The following WDR27 variants were observed in gnomAD, a reference collection of about 807,000 sequenced individuals.
WDR27 encodes the protein WD repeat-containing protein 27.
A neutral mutation model predicts 114.4 loss-of-function variants in WDR27; 100 were observed. That is an observed-to-expected ratio of 0.87 (90% confidence interval 0.74 to 1.03). WDR27 has a LOEUF of 1.03. Among genes scored for constraint, WDR27 ranks in the 50% least tolerant of loss-of-function variants. The pLI, the probability that WDR27 is intolerant of heterozygous loss-of-function variation, is 0.00. For synonymous variants in WDR27, 449 were observed against 423.1 expected, an observed-to-expected ratio of 1.06 and a Z score of -0.75; for missense variants, 1,129 against 1,092.9, an observed-to-expected ratio of 1.03 and a Z score of -0.47.
chr6:169,450,853 C>G, the WDR27 span, among the ~76,000 whole-genome samples: 1 of 151,822 alleles, frequency 6.6e-6, no homozygotes, highest in African/African-American at 2.4e-5. Context: ...TGGAACACCA[C>G]CATCTATCCA....
At chr6:169,482,815 T>C (rs1788373146) in intron 25 of WDR27, among the ~76,000 whole-genome samples, 1 of 152,100 alleles carries the variant, frequency 6.6e-6, no homozygotes, top group East Asian at 1.9e-4. Flanking sequence ...ATGCAAAATA[T>C]TGAAATCATA....
At chr6:169,693,693 T>C (rs568944509) in intron 1 of WDR27, among the ~76,000 whole-genome samples, 3 of 150,538 alleles carry the variant, frequency 2.0e-5, no homozygotes, top group African/African-American at 4.9e-5. Context: ...TATTCTTACA[T>C]AGGACAAAAC....
At chr6:169,633,382 AC>A (rs1330682241) in intron 20 of WDR27, among the ~76,000 whole-genome samples, 11 of 152,124 alleles carry the variant, frequency 7.2e-5, no homozygotes, top group Admixed American at 5.9e-4. Context: ...TCCATGAAAC[AC>A]CCAAATCAGA....
intron 25 of WDR27, among the ~76,000 whole-genome samples, chr6:169,540,431 C>CTTTTTTTTTTTTTT (rs66671017): frequency 1.4e-5 from 2 of 144,804 alleles, no homozygotes; most frequent in Non-Finnish European, 3.1e-5. Flanking sequence ...TGAATAGAAT[C>CTTTTTTTTTTTTTT]TTTTTTTTTT....
chr6:169,669,308 AGT>A (rs1040111664), intron 4 of WDR27, among the ~76,000 whole-genome samples: 3 of 152,194 alleles, frequency 2.0e-5, no homozygotes, highest in Non-Finnish European at 4.4e-5. Flanking sequence ...CCCCGAGTGA[AGT>A]GTCTTTCAGT....
intron 25 of WDR27, among the ~76,000 whole-genome samples, chr6:169,475,789 G>A (rs571328842): frequency 1.3e-5 from 2 of 152,052 alleles, no homozygotes; most frequent in South Asian, 4.2e-4. Flanking sequence ...TTGAGCCACT[G>A]CTCCATTTTT....
the WDR27 span, among the ~76,000 whole-genome samples, chr6:169,438,236 C>CTTTT: frequency 8.5e-5 from 9 of 105,422 alleles, no homozygotes; most frequent in African/African-American, 1.4e-4. Flanking sequence ...TTTACTTTTT[C>CTTTT]TTTTTTTTTT....
rs1300286041 is a variant in WDR27 at position 169,660,699 on chromosome 6, C to T, written c.1093G>A (p.Ala365Thr). 2 of 1,613,836 alleles carry T rather than the reference C, an allele frequency of 1.2e-6. No homozygotes were observed. Among genetic ancestry groups the T allele is most frequent in the Non-Finnish European group, 1.7e-6 (2 of 1,179,868 alleles). ...AAAGCAGCTTCCACTTCCAGGTTTG[C>T]CAGGTTAAATACGAATAAGCCCACT... ...SSVGLFVFNL[A>T]NLEVEAALYY... The change falls in exon 10 of 26, where the codon GCA (alanine) becomes ACA (threonine). Residue 365 changes from alanine to threonine, a missense_variant. Coordinates refer to ENST00000448612, the MANE Select transcript of WDR27 (RefSeq NM_182552.5).
At chr6:169,584,075 G>A (rs1046304617) in intron 23 of WDR27, among the ~76,000 whole-genome samples, 4 of 92,814 alleles carry the variant, frequency 4.3e-5, no homozygotes, top group Non-Finnish European at 9.3e-5. Context: ...CCCCGCCTAT[G>A]TCTACCCTGT....
intron 23 of WDR27, among the ~76,000 whole-genome samples, chr6:169,598,973 C>T (rs1807380271): frequency 1.3e-5 from 2 of 152,042 alleles, no homozygotes; most frequent in African/African-American, 4.8e-5. Context: ...AATATAAAAA[C>T]TGTTCTTGAA....
the WDR27 span, among the ~76,000 whole-genome samples, chr6:169,446,762 G>C: frequency 2.0e-5 from 3 of 152,128 alleles, no homozygotes; most frequent in African/African-American, 7.2e-5. Context: ...AGAATTTCCT[G>C]ACTCAGAATT....
the WDR27 span, among the ~76,000 whole-genome samples, chr6:169,441,855 T>C: frequency 4.6e-5 from 7 of 152,244 alleles, no homozygotes; most frequent in African/African-American, 1.7e-4. Context: ...TAAAACACTT[T>C]ATTTAGAGAT....
At chr6:169,585,129 C>T (rs971609953) in intron 23 of WDR27, among the ~76,000 whole-genome samples, 2 of 152,046 alleles carry the variant, frequency 1.3e-5, no homozygotes, top group South Asian at 4.2e-4. Context: ...GAAATTGGAC[C>T]TTTATTTTAC....
At position 169,613,483 on chromosome 6, in the gene WDR27, T is replaced by G. The variant is rs117142360; in HGVS notation, c.2321+76A>C. ...CAGATTAACCACAACCTCATCACAT[T>G]CGGAAAAGAGATCAGATTGAGCTTA... On this transcript the variant is annotated intron_variant, in intron 22 of 25. Transcript: ENST00000448612. 1.5e-3 allele frequency: 1,818 copies of G among 1,213,314 alleles called. 6 individuals carry two copies. The highest frequency in any genetic ancestry group is 1.9e-3 in the Non-Finnish European group (1,620 of 833,266). 75.2% of individuals were successfully genotyped at this position (1,213,314 alleles called of 1,614,324 possible). A position where few individuals can be genotyped will look rare whatever the true frequency, so the allele number is the denominator to read the frequency against.
At chr6:169,485,842 G>C (rs901854878) in intron 25 of WDR27, among the ~76,000 whole-genome samples, 1 of 152,212 alleles carries the variant, frequency 6.6e-6, no homozygotes, top group African/African-American at 2.4e-5. Context: ...AAAAGAATGA[G>C]ATCATGTCCT....
intron 1 of WDR27, among the ~76,000 whole-genome samples, chr6:169,692,873 T>C (rs1562949920): frequency 6.6e-6 from 1 of 152,086 alleles, no homozygotes; most frequent in East Asian, 1.9e-4. Flanking sequence ...ACAAAAGACA[T>C]AAACTCTTGG....
rs184233582 is a variant in WDR27, at chr6:169,515,575, A to G, written c.2645+56844T>C. On this transcript the variant is annotated intron_variant, in intron 25 of 25. Transcript: ENST00000448612. ...TGAGTACTTATTTTAAAAACTTAAG[A>G]GTGGTATATGAATAAAAGTGTTCAG... Among the ~76,000 whole-genome samples the G allele has an allele frequency of 4.6e-3, 700 of 152,268 alleles. 3 individuals carry two copies. Among genetic ancestry groups the G allele is most frequent in the Non-Finnish European group, 8.0e-3 (544 of 67,998 alleles).
intron 2 of WDR27, among the ~76,000 whole-genome samples, chr6:169,674,123 G>A (rs918108429): frequency 2.0e-5 from 3 of 152,096 alleles, no homozygotes; most frequent in Non-Finnish European, 2.9e-5. Context: ...AGAATCCAGA[G>A]TATCAAATCA....
chr6:169,646,011 T>C (rs1261381639), intron 16 of WDR27, among the ~76,000 whole-genome samples: 1 of 151,972 alleles, frequency 6.6e-6, no homozygotes, highest in Non-Finnish European at 1.5e-5. Flanking sequence ...AGTCACAGTA[T>C]AGAAAAGCCT....
Sources: gnomAD v4.1 joint callset for allele counts (sites outside exome capture counted in the v4.1 genomes callset) on GRCh38, gnomAD v4.1.1 for gene constraint, MANE v1.5 for transcripts, NCBI Gene and HGNC (gene_info 2026-07-23, HGNC 2026-07-21) for gene names.